Variants in PDE1C observed in about 807,000 individuals in gnomAD.
PDE1C encodes the protein phosphodiesterase 1C.
In PDE1C, 62 loss-of-function variants were observed where a neutral mutation model predicts 93.1. That is an observed-to-expected ratio of 0.67 (90% CI 0.54 to 0.82). PDE1C has a LOEUF of 0.82. Ranked by LOEUF, PDE1C falls within the 40% of genes least tolerant of loss-of-function variation. PDE1C has a pLI of 0.00. For synonymous variants in PDE1C, 325 were observed against 310.1 expected (o/e 1.05, Z -0.50); for missense variants, 742 against 884.6 (o/e 0.84, Z 2.04).
chr7:32,341,175 T>TTTTTTA (rs1562682177), intron 1 of PDE1C, among the ~76,000 whole-genome samples: 2 of 77,514 alleles, frequency 2.6e-5, no homozygotes, highest in Non-Finnish European at 5.1e-5. Flanking sequence ...AATAAAGTCT[T>TTTTTTA]TTTTTTTTTT....
At chr7:32,374,256 G>GAAGAAAGA (rs34264888) in intron 1 of PDE1C, among the ~76,000 whole-genome samples, 22,325 of 112,998 alleles carry the variant, frequency 0.2, 2,495 homozygotes, top group Admixed American at 0.22. Flanking sequence ...GAAAGGAAAG[G>GAAGAAAGA]AAGAAAGAAA....
At chr7:32,419,642 T>C (rs2128099360) in intron 1 of PDE1C, among the ~76,000 whole-genome samples, 1 of 152,284 alleles carries the variant, frequency 6.6e-6, no homozygotes, top group East Asian at 1.9e-4. Context: ...GCCCTGGGCT[T>C]CGGCTCCCTC....
the PDE1C span, chr7:31,707,132 G>T: frequency 7.1e-7 from 1 of 1,410,448 alleles, no homozygotes; most frequent in Non-Finnish European, 9.9e-7. Context: ...CCTTTGTACT[G>T]TGTCTGTCTG....
At chr7:32,267,584 ACACTCTCTCT>A (rs201999154) in intron 1 of PDE1C, among the ~76,000 whole-genome samples, 23,612 of 113,058 alleles carry the variant, frequency 0.21, 2,418 homozygotes, top group Admixed American at 0.37. Context: ...ACACACACAC[ACACTCTCTCT>A]CTCTCTCTCT....
At chr7:31,732,352 T>G in the PDE1C span, among the ~76,000 whole-genome samples, 1 of 152,198 alleles carries the variant, frequency 6.6e-6, no homozygotes, top group South Asian at 2.1e-4. Context: ...GTTGGACAAG[T>G]CTAGGTGTTG....
chr7:32,221,710 C>G (rs1374888448), intron 1 of PDE1C, among the ~76,000 whole-genome samples: 1 of 150,942 alleles, frequency 6.6e-6, no homozygotes, highest in East Asian at 1.9e-4. Context: ...GAATTTAATG[C>G]TCAATTCTCT....
chr7:32,338,732 G>A (rs1263516077), intron 1 of PDE1C, among the ~76,000 whole-genome samples: 8 of 152,098 alleles, frequency 5.3e-5, no homozygotes, highest in Admixed American at 2.6e-4. Flanking sequence ...GGCCGGGCAC[G>A]GTGGCTCACG....
chr7:32,144,562 G>A (rs1800720362), intron 3 of PDE1C, among the ~76,000 whole-genome samples: 1 of 152,180 alleles, frequency 6.6e-6, no homozygotes, highest in South Asian at 2.1e-4. Context: ...TGGAAGTAGG[G>A]GAGCCAAACT....
At chr7:32,217,476 T>A (rs1388591780) in intron 1 of PDE1C, among the ~76,000 whole-genome samples, 1 of 104,598 alleles carries the variant, frequency 9.6e-6, no homozygotes, top group Non-Finnish European at 2.1e-5. Context: ...CCATGTGGTT[T>A]GATAAATGTT....
intron 11 of PDE1C, among the ~76,000 whole-genome samples, chr7:31,829,422 T>A (rs1790097908): frequency 6.6e-6 from 1 of 152,176 alleles, no homozygotes; most frequent in Non-Finnish European, 1.5e-5. Context: ...GTTCACCTAA[T>A]ACACTCCGAT....
intron 3 of PDE1C, among the ~76,000 whole-genome samples, chr7:32,166,763 G>C (rs1321184940): frequency 1.3e-5 from 2 of 152,192 alleles, no homozygotes; most frequent in African/African-American, 4.8e-5. Context: ...CATACTTAGG[G>C]ATGGCAGCCT....
intron 1 of PDE1C, among the ~76,000 whole-genome samples, chr7:32,350,273 C>G (rs1783937297): frequency 1.3e-5 from 2 of 152,134 alleles, no homozygotes; most frequent in Admixed American, 1.3e-4. Context: ...TCCCTCCCTC[C>G]TGTATCATTT....
At position 32,330,576 on chromosome 7, in the gene PDE1C, C is replaced by T. The variant is rs114789363; in HGVS notation, c.310+97246G>A. On this transcript the variant is annotated intron_variant, in intron 1 of 1. Transcript: ENST00000672256. ...CAAACTGCAGTCTTATCTCTTCCCA[C>T]AGTGCATTTGGATCTCTAACTCCCT... 1.3e-3 allele frequency among the ~76,000 whole-genome samples: 198 copies of T among 152,360 alleles called. 2 individuals carry two copies. The highest frequency in any genetic ancestry group is 4.6e-3 in the African/African-American group (190 of 41,582).
At chr7:32,070,567 C>A (rs1179865183), upstream of PDE1C, 3 of 1,439,064 alleles carry the variant, frequency 2.1e-6, no homozygotes, top group Non-Finnish European at 2.7e-6. Context: ...GGACTCCGAT[C>A]GCGGCAAACC....
intron 16 of PDE1C, among the ~76,000 whole-genome samples, chr7:31,797,817 G>A (rs1785496030): frequency 6.6e-6 from 1 of 151,628 alleles, no homozygotes; most frequent in Non-Finnish European, 1.5e-5. Flanking sequence ...AAGCAATCAA[G>A]GATGACTGAA....
chr7:31,919,171 A>C (rs1353030905), intron 2 of PDE1C, among the ~76,000 whole-genome samples: 1 of 152,238 alleles, frequency 6.6e-6, no homozygotes, highest in East Asian at 1.9e-4. Context: ...CCATGGTGCC[A>C]GGGCATAACC....
rs147121224 is a variant in PDE1C at position 32,357,086 on chromosome 7, C to G, written c.310+70736G>C. Among the ~76,000 whole-genome samples, 1,460 of 152,316 alleles carry G rather than the reference C, an allele frequency of 9.6e-3. 26 individuals are homozygous for G. The highest frequency in any genetic ancestry group is 0.033 in the African/African-American group (1,381 of 41,566). On this transcript the variant is annotated intron_variant, in intron 1 of 1. Coordinates refer to the PDE1C transcript ENST00000672256. The stretch of plus-strand genomic sequence containing the variant: ...CAGTGGCTCATGCCTGTAATCCCAG[C>G]ACTTTGGGAGGCCAGGCGGGTGGAT...
At chr7:31,906,669 T>C (rs1296474073) in intron 2 of PDE1C, among the ~76,000 whole-genome samples, 1 of 152,116 alleles carries the variant, frequency 6.6e-6, no homozygotes, top group African/African-American at 2.4e-5. Context: ...CATGCAGCAG[T>C]GAGCGAATAA....
At chr7:32,347,689 G>T (rs188361176) in intron 1 of PDE1C, among the ~76,000 whole-genome samples, 56 of 152,302 alleles carry the variant, frequency 3.7e-4, no homozygotes, top group African/African-American at 1.3e-3. Flanking sequence ...AGAGCTATGT[G>T]TGGTCTCTAT....
Sources: allele counts gnomAD v4.1 joint callset (sites outside exome capture counted in the v4.1 genomes callset), GRCh38; gene constraint gnomAD v4.1.1; transcripts MANE v1.5; gene names NCBI Gene and HGNC (gene_info 2026-07-23, HGNC 2026-07-21).